CNR2: variants seen among roughly 807,000 people sequenced by gnomAD.
CNR2 encodes cannabinoid receptor 2 (macrophage).
For missense variants in CNR2, 379 were observed against 439.9 expected, an observed-to-expected ratio of 0.86 and a Z score of 1.24; for synonymous variants, 172 against 182.2, an observed-to-expected ratio of 0.94 and a Z score of 0.45.
intron 1 of CNR2, chr1:23,902,605 CGGAGCTGCAGACAG>C: frequency 6.2e-7 from 1 of 1,604,174 alleles, no homozygotes. Flanking sequence ...GCATAGAAGA[CGGAGCTGCAGACAG>C]CCAGGACGTA....
rs879262067 is a variant in CNR2 at position 23,877,961 on chromosome 1, C to CA, written c.-45-2300dup. Among the ~76,000 whole-genome samples, 664 of 95,894 alleles carry CA rather than the reference C, an allele frequency of 6.9e-3. 1 individual carries two copies. Among genetic ancestry groups the CA allele is most frequent in the South Asian group, 0.013 (42 of 3,196 alleles). 62.9% of individuals were successfully genotyped at this position (95,894 alleles called of 152,430 possible). On this transcript the variant is annotated intron_variant, in intron 1 of 1. Coordinates refer to ENST00000374472, the MANE Select transcript of CNR2 (RefSeq NM_001841.3). ...GGGCGATAAGAGTGAAACTCCATCT[C>CA]AAAAAAAAAAAAAAGAATGTAGCTC...
intron 1 of CNR2, among the ~76,000 whole-genome samples, chr1:23,909,141 G>A (rs997515594): frequency 6.6e-6 from 1 of 152,094 alleles, no homozygotes; most frequent in East Asian, 1.9e-4. Context: ...TCACTCCCTC[G>A]CCTGCTGGGG....
At chr1:23,902,281 G>C in intron 1 of CNR2, 9 of 1,461,470 alleles carry the variant, frequency 6.2e-6, no homozygotes, top group Non-Finnish European at 8.4e-6. Flanking sequence ...TGGGACCGCA[G>C]GGCCATCTCG....
intron 1 of CNR2, among the ~76,000 whole-genome samples, chr1:23,893,507 T>G (rs2148465667): frequency 6.6e-6 from 1 of 152,338 alleles, no homozygotes; most frequent in African/African-American, 2.4e-5. Context: ...TATTTAAAAC[T>G]AATTAAGCAG....
chr1:23,879,250 T>C (rs565712927), intron 1 of CNR2, among the ~76,000 whole-genome samples: 1 of 152,022 alleles, frequency 6.6e-6, no homozygotes, highest in East Asian at 1.9e-4. Context: ...GCCGAGATCA[T>C]GCCACTGCAC....
chr1:23,906,546 CT>C (rs55955111), intron 1 of CNR2, among the ~76,000 whole-genome samples: 13 of 132,344 alleles, frequency 9.8e-5, no homozygotes, highest in African/African-American at 1.7e-4. Flanking sequence ...TTTTTTCTTT[CT>C]TTTTTTTTTT....
intron 1 of CNR2, among the ~76,000 whole-genome samples, chr1:23,904,152 A>G (rs578241885): frequency 6.7e-6 from 1 of 148,164 alleles, no homozygotes; most frequent in East Asian, 2.0e-4. Context: ...GTCACTCAGA[A>G]CTCTGGTTTT....
Position 23,875,618 on chromosome 1 carries a change from G to A in CNR2, c.-1C>T. The A allele has an allele frequency of 6.3e-7, 1 of 1,592,634 alleles. No individual in the cohort carries two copies. Among genetic ancestry groups the A allele is most frequent in the Non-Finnish European group, 8.6e-7 (1 of 1,166,800 alleles). ...TCTCTGTCACCCAGCATTCCTCCAT[G>A]GGGTGGGCCCTTCAGATTCCACTGA... On this transcript the variant is annotated 5_prime_UTR_variant, in exon 2 of 2. Coordinates refer to ENST00000374472, the MANE Select transcript of CNR2 (RefSeq NM_001841.3).
In CNR2 at chr1:23,899,706, C is replaced by G. The variant is rs141054796; in HGVS notation, c.-46+13540G>C. On this transcript the variant is annotated intron_variant, in intron 1 of 1. Coordinates refer to ENST00000374472, the MANE Select transcript of CNR2 (RefSeq NM_001841.3). ...GGTGCATGCTGTAATACCAGCTACT[C>G]GAGAGGGGGAGGCAGAAGAATCACT... Among the ~76,000 whole-genome samples, 17 of 146,748 alleles carry G rather than the reference C, an allele frequency of 1.2e-4. No individual in the cohort carries two copies. The South Asian group carries it at 2.0e-3, about 17-fold the overall frequency.
chr1:23,910,149 T>C (rs1487752988), intron 1 of CNR2, among the ~76,000 whole-genome samples: 2 of 120,754 alleles, frequency 1.7e-5, no homozygotes, highest in African/African-American at 3.1e-5. Context: ...TTTGTAGAGA[T>C]AGGGTCTCAC....
In CNR2 at chr1:23,898,192, A is replaced by AT. The variant is rs1266361232; in HGVS notation, c.-46+15053dup. The stretch of plus-strand genomic sequence containing the variant: ...CAGGCACCCGCCACCATGCCTAGCT[A>AT]TTTTTTTATTATTTTTTTGTATTTT... On this transcript the variant is annotated intron_variant, in intron 1 of 1. Transcript: ENST00000374472. 1.5e-4 allele frequency among the ~76,000 whole-genome samples: 23 copies of AT among 150,658 alleles called. No individual in the cohort carries two copies. In the East Asian group the frequency reaches 2.6e-3, roughly 17 times the overall value.
chr1:23,902,727 C>A, intron 1 of CNR2: 1 of 1,573,254 alleles, frequency 6.4e-7, no homozygotes, highest in Non-Finnish European at 8.6e-7. Context: ...GTTCCTCTCG[C>A]GCAGCGTGGG....
At chr1:23,910,865 T>G (rs570234187) in intron 1 of CNR2, among the ~76,000 whole-genome samples, 1 of 152,098 alleles carries the variant, frequency 6.6e-6, no homozygotes, top group East Asian at 1.9e-4. Flanking sequence ...TTCCATGTGA[T>G]TCCATGTGAT....
intron 1 of CNR2, among the ~76,000 whole-genome samples, chr1:23,895,984 G>A (rs1009077181): frequency 1.3e-5 from 2 of 151,944 alleles, no homozygotes; most frequent in Admixed American, 1.3e-4. Flanking sequence ...TTTTTTCTCA[G>A]TAATGCCTTC....
At position 23,874,594 on chromosome 1, in the gene CNR2, C is replaced by A. The variant is rs778618350; in HGVS notation, c.1024G>T (p.Ala342Ser). The change falls in exon 2 of 2, where the codon GCT (alanine) becomes TCT (serine). Residue 342 changes from alanine to serine, a missense_variant. Physicochemically the swap from Ala to Ser is moderately conservative, Grantham distance 99. Coordinates refer to ENST00000374472, the MANE Select transcript of CNR2 (RefSeq NM_001841.3). Reference protein sequence around the residue: ...APRSSVTETEADGKITPWPDS... With the variant: ...APRSSVTETESDGKITPWPDS... ...GGCCACGGAGTGATTTTCCCATCAG[C>A]CTCTGTCTCGGTGACTGAGGATCTC... 1 of 1,614,140 alleles carries A rather than the reference C, an allele frequency of 6.2e-7. No individual in the cohort carries two copies. Among genetic ancestry groups the A allele is most frequent in the Non-Finnish European group, 8.5e-7 (1 of 1,180,028 alleles).
At chr1:23,898,181 C>G (rs1640317143) in intron 1 of CNR2, among the ~76,000 whole-genome samples, 1 of 151,472 alleles carries the variant, frequency 6.6e-6, no homozygotes, top group African/African-American at 2.4e-5. Flanking sequence ...CACCCGCCAC[C>G]ATGCCTAGCT....
At chr1:23,903,174 A>G (rs1001809320) in intron 1 of CNR2, among the ~76,000 whole-genome samples, 3 of 151,840 alleles carry the variant, frequency 2.0e-5, no homozygotes, top group African/African-American at 7.2e-5. Flanking sequence ...AGCCTAGCGC[A>G]GCCGGGCCAG....
At chr1:23,910,543 A>G (rs1376024745) in intron 1 of CNR2, among the ~76,000 whole-genome samples, 1 of 150,650 alleles carries the variant, frequency 6.6e-6, no homozygotes, top group African/African-American at 2.4e-5. Flanking sequence ...CATCCCAGCT[A>G]CTTGGGAGGC....
intron 1 of CNR2, among the ~76,000 whole-genome samples, chr1:23,912,126 G>A (rs1640597462): frequency 6.6e-6 from 1 of 152,150 alleles, no homozygotes. Context: ...ACCTTCTCAG[G>A]CCCATGTTTC....
Sources: allele counts gnomAD v4.1 joint callset (sites outside exome capture counted in the v4.1 genomes callset), GRCh38; gene constraint gnomAD v4.1.1; transcripts MANE v1.5; gene names NCBI Gene and HGNC (gene_info 2026-07-23, HGNC 2026-07-21).